The following NXNL2 variants were observed in gnomAD, a reference collection of about 807,000 sequenced individuals.
NXNL2 encodes nucleoredoxin like 2.
In NXNL2, 7 loss-of-function variants were observed where a neutral mutation model predicts 11.1. The ratio of observed to expected loss-of-function variants is 0.63; its 90% CI spans 0.36 to 1.18. The LOEUF is 1.18. Ranked by LOEUF, NXNL2 falls within the 50% of genes most tolerant of loss-of-function variation. The probability of loss-of-function intolerance (pLI) is 0.02; values close to 1 mark genes in which losing one functional copy is unlikely to be tolerated. For missense variants in NXNL2, 233 were observed against 217.7 expected, an observed-to-expected ratio of 1.07 and a Z score of -0.44; for synonymous variants, 109 against 101.8, an observed-to-expected ratio of 1.07 and a Z score of -0.42.
rs964054873 is a variant in NXNL2, at chr9:88,535,558, C to G, written c.124C>G (p.Arg42Gly). Residue 42 changes from arginine to glycine, a missense_variant, in exon 1 of 2, where the codon CGC (arginine) becomes GGC (glycine). Coordinates refer to ENST00000375854, the MANE Select transcript of NXNL2 (RefSeq NM_001161625.2). ...YFAAARCAPS[R>G]DFTPLLCDFY... is the part of the protein sequence containing the mutation. ...CGCGGCGGCCCGGTGCGCGCCGAGC[C>G]GCGACTTCACGCCGCTGCTCTGCGA... The G allele has an allele frequency of 6.2e-6, 10 of 1,609,068 alleles. No individual in the cohort carries two copies. Among genetic ancestry groups the G allele is most frequent in the Non-Finnish European group, 6.8e-6 (8 of 1,179,180 alleles).
downstream of NXNL2, among the ~76,000 whole-genome samples, chr9:88,576,769 T>A (rs1010997602): frequency 6.6e-6 from 1 of 152,166 alleles, no homozygotes; most frequent in Non-Finnish European, 1.5e-5. Flanking sequence ...AGGCAGCCCG[T>A]AGCAGGGAGG....
chr9:88,579,749 G>C (rs368061906), downstream of NXNL2, among the ~76,000 whole-genome samples: 52 of 152,264 alleles, frequency 3.4e-4, no homozygotes, highest in South Asian at 1.0e-2. Flanking sequence ...GTGAGAGAAG[G>C]GGGTGAGTGG....
chr9:88,540,205 G>A (rs369689959), intron 1 of NXNL2, among the ~76,000 whole-genome samples: 11 of 151,998 alleles, frequency 7.2e-5, no homozygotes, highest in Admixed American at 2.6e-4. Flanking sequence ...GGTGGCGGGC[G>A]CCTGTGGTCC....
chr9:88,573,760 A>C (rs1423212047), intron 2 of NXNL2, among the ~76,000 whole-genome samples: 1 of 152,220 alleles, frequency 6.6e-6, no homozygotes, highest in Non-Finnish European at 1.5e-5. Flanking sequence ...CTGTACACTA[A>C]AATGGTTAGG....
downstream of NXNL2, among the ~76,000 whole-genome samples, chr9:88,549,731 G>C (rs1294715381): frequency 3.3e-5 from 5 of 152,182 alleles, no homozygotes; most frequent in Non-Finnish European, 7.3e-5. Flanking sequence ...TAGCTTCTTG[G>C]GAGGCCTCAG....
At chr9:88,546,091 A>G (rs1236762979), downstream of NXNL2, among the ~76,000 whole-genome samples, 3 of 151,920 alleles carry the variant, frequency 2.0e-5, no homozygotes, top group Non-Finnish European at 4.4e-5. Context: ...TTAATCACAC[A>G]TTCTTGGGAA....
chr9:88,555,190 G>A (rs1332623627), intron 1 of NXNL2, among the ~76,000 whole-genome samples: 1 of 152,202 alleles, frequency 6.6e-6, no homozygotes, highest in Non-Finnish European at 1.5e-5. Context: ...AGTTTATTAA[G>A]AAAGTAAATG....
intron 1 of NXNL2, among the ~76,000 whole-genome samples, chr9:88,582,589 ATCCT>A (rs111448954): frequency 1.6e-3 from 240 of 151,262 alleles, no homozygotes; most frequent in South Asian, 2.9e-3. Context: ...GCTTAAAACA[ATCCT>A]TCCTTCCTTC....
chr9:88,542,255 A>G (rs1829777051), intron 1 of NXNL2, among the ~76,000 whole-genome samples: 1 of 151,906 alleles, frequency 6.6e-6, no homozygotes, highest in Admixed American at 6.6e-5. Context: ...AACAAAAAAC[A>G]AAAAACAAAC....
chr9:88,559,351 G>A (rs1830057888), intron 1 of NXNL2, among the ~76,000 whole-genome samples: 1 of 152,200 alleles, frequency 6.6e-6, no homozygotes, highest in Non-Finnish European at 1.5e-5. Context: ...CACCCATGAT[G>A]CTGGGCTCTA....
rs1013487395 is a variant in NXNL2 at position 88,553,510 on chromosome 9, T to G, written c.303-17577T>G. On this transcript the variant is annotated intron_variant, in intron 1 of 2. Coordinates refer to the NXNL2 transcript ENST00000375855. ...CTGAACTCCTTGCTACATAGCGTGT[T>G]GCAGCATGTCTGGTTGAATCTGCAT... 2.6e-5 allele frequency among the ~76,000 whole-genome samples: 4 copies of G among 152,348 alleles called. No individual in the cohort carries two copies. In the East Asian group the frequency reaches 7.7e-4, roughly 29 times the overall value.
intron 1 of NXNL2, among the ~76,000 whole-genome samples, chr9:88,583,574 C>T (rs144325100): frequency 3.8e-4 from 58 of 152,334 alleles, no homozygotes; most frequent in African/African-American, 1.3e-3. Context: ...TAGGATGGTG[C>T]TGAGATTGTG....
Position 88,544,521 on chromosome 9 carries a change from G to T in NXNL2, c.445G>T (p.Asp149Tyr). ...ACFQDWVEAA[D>Y]IFQNFSV The stretch of plus-strand genomic sequence containing the variant: ...CTTCCAGGACTGGGTGGAGGCGGCC[G>T]ATATCTTCCAGAATTTCTCCGTTTG... Residue 149 changes from aspartate (D) to tyrosine (Y), a missense_variant, in exon 2 of 2, where the codon GAT (aspartate) becomes TAT (tyrosine). Asp to Tyr is a radical substitution (Grantham distance 160, BLOSUM62 -3). Transcript: ENST00000375854. 1 of 1,544,046 alleles carries T rather than the reference G, an allele frequency of 6.5e-7. No individual in the cohort carries two copies.
chr9:88,539,924 G>C (rs13283738), intron 1 of NXNL2: 54,804 of 151,968 alleles, frequency 0.36, 17,767 homozygotes, highest in African/African-American at 0.83. Context: ...CTCAGGTGAT[G>C]CACCCATCTT....
intron 1 of NXNL2, among the ~76,000 whole-genome samples, chr9:88,555,126 T>C (rs1028092670): frequency 1.3e-5 from 2 of 152,226 alleles, no homozygotes; most frequent in African/African-American, 4.8e-5. Context: ...CATGGGTTTT[T>C]TGGCTTTGCA....
intron 2 of NXNL2, among the ~76,000 whole-genome samples, chr9:88,573,025 A>G (rs1830295694): frequency 6.6e-6 from 1 of 152,188 alleles, no homozygotes; most frequent in East Asian, 1.9e-4. Flanking sequence ...TCCAATTAAT[A>G]TTGCCTGAAG....
At chr9:88,535,809 G>A (rs934946702) in intron 1 of NXNL2, 73 bp downstream of exon 1, 3 of 1,245,326 alleles carry the variant, frequency 2.4e-6, no homozygotes, top group Admixed American at 5.1e-5. Context: ...CTCCCCCTCT[G>A]CACTGGGGAG....
At chr9:88,560,481 A>T (rs980361022) in intron 1 of NXNL2, among the ~76,000 whole-genome samples, 5 of 152,122 alleles carry the variant, frequency 3.3e-5, no homozygotes, top group Non-Finnish European at 7.3e-5. Flanking sequence ...TGGATGCAGC[A>T]TCTAGAGTGC....
intron 1 of NXNL2, among the ~76,000 whole-genome samples, chr9:88,554,452 A>T (rs1829985117): frequency 6.6e-6 from 1 of 152,116 alleles, no homozygotes; most frequent in South Asian, 2.1e-4. Flanking sequence ...TGATCTGCCC[A>T]CCTTGGCCTC....
Sources: gnomAD v4.1 joint callset for allele counts (sites outside exome capture counted in the v4.1 genomes callset) on GRCh38, gnomAD v4.1.1 for gene constraint, MANE v1.5 for transcripts, NCBI Gene and HGNC (gene_info 2026-07-23, HGNC 2026-07-21) for gene names.